The following RNLS variants were observed in gnomAD, a reference collection of about 807,000 sequenced individuals.
RNLS encodes the protein renalase.
Under a neutral mutation model 39.8 loss-of-function variants are expected in RNLS, and 39 were observed. The ratio of observed to expected loss-of-function variants is 0.98; its 90% CI spans 0.76 to 1.28. RNLS has a LOEUF of 1.28. Ranked by LOEUF, RNLS falls within the 50% of genes most tolerant of loss-of-function variation. RNLS has a pLI of 0.00. For missense variants in RNLS, 410 were observed against 413.3 expected, an observed-to-expected ratio of 0.99 and a Z score of 0.07; for synonymous variants, 147 against 150.7, an observed-to-expected ratio of 0.98 and a Z score of 0.18.
the RNLS span, among the ~76,000 whole-genome samples, chr10:88,245,006 C>T: frequency 2.7e-3 from 410 of 152,002 alleles, 3 homozygotes; most frequent in Middle Eastern, 0.027. Flanking sequence ...GTTGAGTGGT[C>T]AGATGTCAGG....
chr10:88,485,457 A>C (rs904834404), intron 4 of RNLS, among the ~76,000 whole-genome samples: 2 of 151,908 alleles, frequency 1.3e-5, no homozygotes, highest in Non-Finnish European at 2.9e-5. Context: ...ATTCATTCAA[A>C]ATAGATCATA....
At position 88,583,143 on chromosome 10, in the gene RNLS, G is replaced by A. The variant is rs771948563; in HGVS notation, c.48C>T (p.Cys16=). 5.6e-6 allele frequency: 9 copies of A among 1,614,094 alleles called. No individual in the cohort carries two copies. Among genetic ancestry groups the A allele is most frequent in the Middle Eastern group, 1.6e-4 (1 of 6,062 alleles). Residue 16 remains cysteine (C), a synonymous_variant, in exon 1 of 7, where the codon TGC becomes TGT. Coordinates refer to ENST00000331772, the MANE Select transcript of RNLS (RefSeq NM_001031709.3). ...ACGTCTGCCTCCTCAGCAGCGCAGCGCACAAGCTTCCTGTCATCCCGGCGC... is the reference window on the plus strand; with the variant it reads ...ACGTCTGCCTCCTCAGCAGCGCAGCACACAAGCTTCCTGTCATCCCGGCGC... ...IVGAGMTGSL[C]AALLRRQTSG...
chr10:88,382,531 G>A (rs1851606103), intron 4 of RNLS, among the ~76,000 whole-genome samples: 1 of 152,096 alleles, frequency 6.6e-6, no homozygotes, highest in African/African-American at 2.4e-5. Context: ...AGCAAGGAAA[G>A]CTATTTACTG....
chr10:88,181,976 CAG>C, the RNLS span, among the ~76,000 whole-genome samples: 1 of 152,134 alleles, frequency 6.6e-6, no homozygotes, highest in African/African-American at 2.4e-5. Flanking sequence ...CAAAGTGCAT[CAG>C]ACCAAGCTTT....
Position 88,421,707 on chromosome 10 carries a change from G to C in RNLS, c.527-58982C>G, listed in dbSNP as rs540608527. 1.8e-3 allele frequency among the ~76,000 whole-genome samples: 277 copies of C among 152,102 alleles called. 2 individuals are homozygous for C. The highest frequency in any genetic ancestry group is 6.4e-3 in the African/African-American group (265 of 41,492). On this transcript the variant is annotated intron_variant, in intron 4 of 6. Coordinates refer to ENST00000331772, the MANE Select transcript of RNLS (RefSeq NM_001031709.3). ...AAAACCTCCGATGGCTGTCTTATTG[G>C]CTACAGAAGGAAATACCAATTTTAT... is the stretch of plus-strand genomic sequence containing the variant.
intron 4 of RNLS, among the ~76,000 whole-genome samples, chr10:88,472,686 T>C (rs760011985): frequency 1.3e-5 from 2 of 152,192 alleles, no homozygotes; most frequent in Non-Finnish European, 2.9e-5. Flanking sequence ...AGAGGCTTAT[T>C]AAGTACCAAA....
the RNLS span, among the ~76,000 whole-genome samples, chr10:88,253,886 A>G: frequency 1.3e-5 from 2 of 152,180 alleles, no homozygotes; most frequent in African/African-American, 4.8e-5. Flanking sequence ...TTAGGTGGCA[A>G]AGGCTCAAGG....
intron 4 of RNLS, among the ~76,000 whole-genome samples, chr10:88,384,426 G>T (rs1851740173): frequency 6.6e-6 from 1 of 152,204 alleles, no homozygotes; most frequent in African/African-American, 2.4e-5. Context: ...TAGGCTCAGA[G>T]AGGCTAAGTA....
In RNLS at chr10:88,538,345, C is replaced by T. The variant is rs373888890; in HGVS notation, c.526+34558G>A. 5.2e-4 allele frequency among the ~76,000 whole-genome samples: 79 copies of T among 152,214 alleles called. 4 individuals are homozygous for T. The East Asian group carries it at 9.5e-3, about 18-fold the overall frequency. On this transcript the variant is annotated intron_variant, in intron 4 of 6. Coordinates refer to ENST00000331772, the MANE Select transcript of RNLS (RefSeq NM_001031709.3). ...GATGACCAGAACAGCTGCACTTTGT[C>T]GTCAGAATCAAATCCACAAGTATTC...
chr10:88,340,090 A>G (rs577768665), intron 5 of RNLS, among the ~76,000 whole-genome samples: 2 of 152,352 alleles, frequency 1.3e-5, no homozygotes, highest in South Asian at 4.2e-4. Flanking sequence ...GAAATTCTCA[A>G]TATCTTGCAA....
intron 4 of RNLS, among the ~76,000 whole-genome samples, chr10:88,378,045 C>A (rs539338540): frequency 2.6e-4 from 39 of 151,898 alleles, no homozygotes; most frequent in African/African-American, 8.7e-4. Context: ...TAGGTATACA[C>A]AGGGTCAGGG....
At chr10:88,223,108 AT>A in the RNLS span, among the ~76,000 whole-genome samples, 1 of 152,208 alleles carries the variant, frequency 6.6e-6, no homozygotes, top group Non-Finnish European at 1.5e-5. Context: ...CTAAGGATAC[AT>A]GGCTTGTGAG....
chr10:88,374,028 T>C (rs971441639), intron 4 of RNLS, among the ~76,000 whole-genome samples: 1 of 152,060 alleles, frequency 6.6e-6, no homozygotes, highest in African/African-American at 2.4e-5. Context: ...AGGGCTGTTA[T>C]GAAGATTAGA....
At chr10:88,514,278 C>A (rs1447910799) in intron 4 of RNLS, among the ~76,000 whole-genome samples, 3 of 151,954 alleles carry the variant, frequency 2.0e-5, no homozygotes, top group African/African-American at 7.2e-5. Flanking sequence ...ATAAAACCTT[C>A]CGATCCCATG....
In RNLS at chr10:88,285,113, G is replaced by C; in HGVS notation, c.*241C>G. The C allele has an allele frequency of 1.0e-6, 1 of 985,994 alleles. No homozygotes were observed. The allele number at this position is 985,994 out of a possible 1,614,324, so 61.1% of individuals were successfully genotyped here. On this transcript the variant is annotated 3_prime_UTR_variant, in exon 7 of 7. Coordinates refer to ENST00000331772, the MANE Select transcript of RNLS (RefSeq NM_001031709.3). ...TTAAGTACCACTTTTCCTCCAACAA[G>C]GAGTAGTCATAGCAATTCAGAAAAG...
At chr10:88,580,249 T>C (rs1237358862) in intron 3 of RNLS, among the ~76,000 whole-genome samples, 1 of 152,126 alleles carries the variant, frequency 6.6e-6, no homozygotes, top group East Asian at 1.9e-4. Context: ...TACACACACA[T>C]ACCCTATTGG....
intron 4 of RNLS, among the ~76,000 whole-genome samples, chr10:88,526,947 G>A (rs1589957590): frequency 2.6e-5 from 4 of 152,088 alleles, no homozygotes; most frequent in African/African-American, 7.2e-5. Flanking sequence ...GGTGTCTCTG[G>A]AGGCAGAGGT....
At chr10:88,261,201 C>A in the RNLS span, among the ~76,000 whole-genome samples, 2 of 152,170 alleles carry the variant, frequency 1.3e-5, no homozygotes, top group Non-Finnish European at 2.9e-5. Flanking sequence ...GCTTTAATAT[C>A]AAACTTTAAC....
intron 5 of RNLS, among the ~76,000 whole-genome samples, chr10:88,336,526 G>A (rs1281543075): frequency 2.0e-5 from 3 of 152,142 alleles, no homozygotes; most frequent in East Asian, 1.9e-4. Context: ...AAAATAAAAT[G>A]AGAACTCCCC....
Sources: gnomAD v4.1 joint callset for allele counts (sites outside exome capture counted in the v4.1 genomes callset) on GRCh38, gnomAD v4.1.1 for gene constraint, MANE v1.5 for transcripts, NCBI Gene and HGNC (gene_info 2026-07-23, HGNC 2026-07-21) for gene names.